The following RAB3B variants were observed in gnomAD, a reference collection of about 807,000 sequenced individuals.
RAB3B encodes ras-related protein Rab-3B.
RAB3B carries 11 observed loss-of-function variants against 20.5 expected under a neutral mutation model. The observed-to-expected ratio is 0.54, with a 90% CI of 0.34 to 0.89. The LOEUF (loss-of-function observed/expected upper bound fraction) is 0.89. RAB3B is among the 40% of genes least tolerant of loss of function. RAB3B has a pLI of 0.02. For missense variants in RAB3B, 225 were observed against 280.9 expected, an observed-to-expected ratio of 0.80 and a Z score of 1.42; for synonymous variants, 99 against 106.3, an observed-to-expected ratio of 0.93 and a Z score of 0.42.
rs1039420321 is a variant in RAB3B at position 51,916,614 on chromosome 1, T to C, written c.*3313A>G. On this transcript the variant is annotated 3_prime_UTR_variant, in exon 5 of 5. Coordinates refer to ENST00000371655, the MANE Select transcript of RAB3B (RefSeq NM_002867.4). The stretch of plus-strand genomic sequence containing the variant: ...CAAGTCACTCTTCACAAATGCCCCA[T>C]TGCTGGAGCATAGAGGCTGTTCAAA... 6.6e-6 allele frequency: 1 copy of C among 152,256 alleles called. No individual in the cohort carries two copies. The highest frequency in any genetic ancestry group is 2.4e-5 in the African/African-American group (1 of 41,474). 9.4% of individuals were successfully genotyped at this position (152,256 alleles called of 1,614,324 possible). A position where few individuals can be genotyped will look rare whatever the true frequency, so the allele number is the denominator to read the frequency against.
intron 1 of RAB3B, among the ~76,000 whole-genome samples, chr1:51,982,403 C>A (rs2124318455): frequency 6.6e-6 from 1 of 152,038 alleles, no homozygotes; most frequent in Non-Finnish European, 1.5e-5. Flanking sequence ...ACACACTGAG[C>A]CTTCATCTCA....
At chr1:51,921,196 T>C (rs2809936) in intron 4 of RAB3B, among the ~76,000 whole-genome samples, 119,988 of 152,032 alleles carry the variant, frequency 0.79, 48,086 homozygotes, top group East Asian at 0.99. Flanking sequence ...GTCTGTCTGC[T>C]TTCCTCTTTC....
intron 1 of RAB3B, among the ~76,000 whole-genome samples, chr1:51,984,830 T>C (rs930024465): frequency 9.2e-5 from 14 of 152,194 alleles, no homozygotes; most frequent in African/African-American, 3.4e-4. Context: ...TCCTTTATCT[T>C]CTTTTATCTC....
At chr1:51,957,927 A>G (rs570934784) in intron 2 of RAB3B, among the ~76,000 whole-genome samples, 1 of 152,200 alleles carries the variant, frequency 6.6e-6, no homozygotes, top group Admixed American at 6.5e-5. Context: ...GGAGGCCGGT[A>G]TCCTGAGAGG....
Position 51,917,619 on chromosome 1 carries a change from T to C in RAB3B, c.*2308A>G, listed in dbSNP as rs1684106748. On this transcript the variant is annotated 3_prime_UTR_variant, in exon 5 of 5. Transcript: ENST00000371655. ...TCACCCAGACTGGAATGCAGTGGCA[T>C]AATTACAGCTCACTGCAACCTCAAA... is the stretch of plus-strand genomic sequence containing the variant. 6.6e-6 allele frequency: 1 copy of C among 152,194 alleles called. No homozygotes were observed. Among genetic ancestry groups the C allele is most frequent in the African/African-American group, 2.4e-5 (1 of 41,440 alleles). 9.4% of individuals were successfully genotyped at this position (152,194 alleles called of 1,614,324 possible).
intron 3 of RAB3B, among the ~76,000 whole-genome samples, chr1:51,935,219 C>T (rs1298275795): frequency 1.3e-5 from 2 of 152,200 alleles, no homozygotes; most frequent in East Asian, 1.9e-4. Flanking sequence ...CTAACTGCAA[C>T]CTGAACCTAC....
At chr1:51,973,470 G>A (rs1296296849) in intron 2 of RAB3B, 1 of 152,130 alleles carries the variant, frequency 6.6e-6, no homozygotes, top group Non-Finnish European at 1.5e-5. Context: ...GCTAAGAGGG[G>A]TTGGGCCTGG....
At chr1:51,986,545 C>T (rs938072544) in intron 1 of RAB3B, among the ~76,000 whole-genome samples, 2 of 151,932 alleles carry the variant, frequency 1.3e-5, no homozygotes, top group African/African-American at 2.4e-5. Flanking sequence ...TCCAGAGGTT[C>T]GAGGTTAGAG....
At chr1:51,954,956 C>T (rs751222787) in intron 2 of RAB3B, among the ~76,000 whole-genome samples, 2 of 152,160 alleles carry the variant, frequency 1.3e-5, no homozygotes, top group African/African-American at 2.4e-5. Flanking sequence ...GTCGTCCTGA[C>T]GAGAACAGAA....
rs146670833 is a variant in RAB3B, at chr1:51,927,838, GTC to G, written c.472+5478_472+5479del. On this transcript the variant is annotated intron_variant, in intron 4 of 4. Transcript: ENST00000371655. ...AAAACAAAAAACTACATTGTGGATG[GTC>G]TCTCCTTCCTTTGTAGGCAGAAGCA... 7.2e-3 allele frequency among the ~76,000 whole-genome samples: 1,094 copies of G among 152,192 alleles called. 13 individuals are homozygous for G. Among genetic ancestry groups the G allele is most frequent in the African/African-American group, 0.025 (1,058 of 41,512 alleles).
At chr1:51,952,976 A>T (rs1275202416) in intron 2 of RAB3B, among the ~76,000 whole-genome samples, 1 of 152,158 alleles carries the variant, frequency 6.6e-6, no homozygotes, top group Non-Finnish European at 1.5e-5. Context: ...TCTGCTGGGC[A>T]TCTCCACTTA....
chr1:51,925,616 C>T (rs1451199477), intron 4 of RAB3B, among the ~76,000 whole-genome samples: 2 of 152,162 alleles, frequency 1.3e-5, no homozygotes, highest in Non-Finnish European at 2.9e-5. Flanking sequence ...TGTTATTAAT[C>T]TCTAGCTACT....
Position 51,917,472 on chromosome 1 carries a change from C to G in RAB3B, c.*2455G>C, listed in dbSNP as rs1684102678. On this transcript the variant is annotated 3_prime_UTR_variant, in exon 5 of 5. Transcript: ENST00000371655. ...ATGACAGAGTCCGGGTCTCCTGATT[C>G]CAAGTCCAAAGCTCTGCTCTCTGCA... 6.6e-6 allele frequency: 1 copy of G among 152,084 alleles called. No individual in the cohort carries two copies. The highest frequency in any genetic ancestry group is 1.5e-5 in the Non-Finnish European group (1 of 68,014). 9.4% of individuals were successfully genotyped at this position (152,084 alleles called of 1,614,324 possible).
At chr1:51,983,754 G>A (rs781743697) in intron 1 of RAB3B, among the ~76,000 whole-genome samples, 6 of 144,474 alleles carry the variant, frequency 4.2e-5, no homozygotes, top group Non-Finnish European at 9.4e-5. Flanking sequence ...GAGCTCAGGA[G>A]TTTAAGATCA....
At chr1:51,975,769 G>A (rs565968612) in intron 2 of RAB3B, among the ~76,000 whole-genome samples, 14 of 152,178 alleles carry the variant, frequency 9.2e-5, no homozygotes, top group African/African-American at 3.1e-4. Context: ...CGAGGTGGGC[G>A]GATCACAAGG....
At position 51,908,513 on chromosome 1, in the gene RAB3B, T is replaced by A. The variant is rs1025061168; in HGVS notation, c.*11414A>T. 2.0e-5 allele frequency: 3 copies of A among 152,064 alleles called. No homozygotes were observed. Among genetic ancestry groups the A allele is most frequent in the Non-Finnish European group, 4.4e-5 (3 of 68,014 alleles). The allele number at this position is 152,064 out of a possible 1,614,324, so 9.4% of individuals were successfully genotyped here. On this transcript the variant is annotated 3_prime_UTR_variant, in exon 5 of 5. Transcript: ENST00000371655. ...GATAGATCATCTGCTCCTGGCTCCTTGATCTGAGGGAAGCCTCTGCTGTTC... is the reference window on the plus strand; with the variant it reads ...GATAGATCATCTGCTCCTGGCTCCTAGATCTGAGGGAAGCCTCTGCTGTTC...
chr1:51,951,291 C>T (rs145840089), intron 2 of RAB3B, among the ~76,000 whole-genome samples: 127 of 152,182 alleles, frequency 8.3e-4, no homozygotes, highest in African/African-American at 2.9e-3. Flanking sequence ...GTTTTGCAGC[C>T]CTTGTCCCCA....
chr1:51,948,071 A>C lies in RAB3B; in HGVS notation c.229-10659T>G, dbSNP rs900065458. On this transcript the variant is annotated intron_variant, in intron 2 of 4. Transcript: ENST00000371655. ...ATGTGGCAGCCCTCCAAATATTCAA[A>C]TCCTTACACTTCCTTAACTCTTACA... Among the ~76,000 whole-genome samples the C allele has an allele frequency of 4.6e-5, 7 of 152,294 alleles. No homozygotes were observed. In the East Asian group the frequency reaches 9.6e-4, roughly 21 times the overall value.
At chr1:51,962,647 T>C (rs538617748) in intron 2 of RAB3B, among the ~76,000 whole-genome samples, 3 of 152,338 alleles carry the variant, frequency 2.0e-5, no homozygotes, top group Non-Finnish European at 2.9e-5. Flanking sequence ...ATCATCATCT[T>C]TTCTAACACT....
Sources: gnomAD v4.1 joint callset for allele counts (sites outside exome capture counted in the v4.1 genomes callset) on GRCh38, gnomAD v4.1.1 for gene constraint, MANE v1.5 for transcripts, NCBI Gene and HGNC (gene_info 2026-07-23, HGNC 2026-07-21) for gene names.